The following TENT4B variants were observed in gnomAD, a reference collection of about 807,000 sequenced individuals.
The protein encoded by TENT4B is PAP associated domain containing 5.
TENT4B carries 10 observed loss-of-function variants against 75.0 expected under a neutral mutation model. That is an observed-to-expected ratio of 0.13 (90% confidence interval 0.08 to 0.23). The LOEUF (loss-of-function observed/expected upper bound fraction) is 0.23, where lower values mean the gene tolerates loss of function less well. Ranked by LOEUF, TENT4B falls within the 10% of genes least tolerant of loss-of-function variation. The pLI is 1.00. For synonymous variants in TENT4B, 350 were observed against 357.7 expected, an observed-to-expected ratio of 0.98 and a Z score of 0.24; for missense variants, 579 against 893.8, an observed-to-expected ratio of 0.65 and a Z score of 4.49.
At chr16:50,194,639 T>A (rs1444182041) in intron 1 of TENT4B, among the ~76,000 whole-genome samples, 1 of 151,874 alleles carries the variant, frequency 6.6e-6, no homozygotes, top group African/African-American at 2.4e-5. Context: ...GAGCATCAAT[T>A]TCCTGGGCTC....
rs961742170 is a variant in TENT4B, at chr16:50,225,200, C to T, written c.1715C>T (p.Ser572Leu). 4.3e-6 allele frequency: 7 copies of T among 1,613,948 alleles called. No individual in the cohort carries two copies. The highest frequency in any genetic ancestry group is 1.7e-5 in the Admixed American group (1 of 60,010). The change falls in exon 10 of 12, where the codon TCG (serine) becomes TTG (leucine). Residue 572 changes from serine to leucine, a missense_variant. By Grantham distance (145) the Ser-to-Leu change is moderately radical. Coordinates refer to ENST00000561678, the MANE Select transcript of TENT4B (RefSeq NM_001365324.3). ...EALGKCRSKT[S>L]ESLSKHSSNS... is the part of the protein sequence containing the mutation. ...CTTGGAAAATGTAGAAGTAAAACCT[C>T]GGAATCTCTTAGTAAACACTCTTCA... is the stretch of plus-strand genomic sequence containing the variant.
chr16:50,160,909 T>TAC (rs1358932330), intron 1 of TENT4B, among the ~76,000 whole-genome samples: 1 of 152,204 alleles, frequency 6.6e-6, no homozygotes, highest in Non-Finnish European at 1.5e-5. Flanking sequence ...ATTAATCACT[T>TAC]ACACACACAT....
intron 1 of TENT4B, among the ~76,000 whole-genome samples, chr16:50,172,766 T>C (rs1597232390): frequency 6.6e-6 from 1 of 152,300 alleles, no homozygotes; most frequent in African/African-American, 2.4e-5. Context: ...TAGTATCATA[T>C]TGAGTAGTTT....
intron 1 of TENT4B, among the ~76,000 whole-genome samples, chr16:50,167,872 G>T (rs2038131954): frequency 6.6e-6 from 1 of 152,040 alleles, no homozygotes; most frequent in Non-Finnish European, 1.5e-5. Context: ...TGTCAGGTTG[G>T]TCTTGAACTC....
intron 1 of TENT4B, among the ~76,000 whole-genome samples, chr16:50,174,687 TA>T (rs1190267876): frequency 6.6e-5 from 10 of 151,920 alleles, no homozygotes; most frequent in African/African-American, 2.4e-4. Context: ...TACCTGGCTT[TA>T]TTTTTTTTAC....
intron 1 of TENT4B, among the ~76,000 whole-genome samples, chr16:50,176,033 T>C (rs2038301584): frequency 6.6e-6 from 1 of 152,002 alleles, no homozygotes. Flanking sequence ...CCCTCCTACC[T>C]TGGCCTCCCA....
At chr16:50,179,386 T>C (rs2038370029) in intron 1 of TENT4B, among the ~76,000 whole-genome samples, 1 of 152,132 alleles carries the variant, frequency 6.6e-6, no homozygotes, top group Non-Finnish European at 1.5e-5. Context: ...TTTTTTTACT[T>C]TATCCCAAAT....
At chr16:50,194,314 C>G (rs2030064898) in intron 1 of TENT4B, among the ~76,000 whole-genome samples, 1 of 150,418 alleles carries the variant, frequency 6.6e-6, no homozygotes, top group African/African-American at 2.4e-5. Flanking sequence ...CTCTCGGGTT[C>G]AAGCGATTCT....
chr16:50,174,988 G>A (rs944583224), intron 1 of TENT4B, among the ~76,000 whole-genome samples: 3 of 151,688 alleles, frequency 2.0e-5, no homozygotes, highest in Non-Finnish European at 4.4e-5. Context: ...TGATCCACCC[G>A]CCTCAGCCTC....
chr16:50,171,256 C>G (rs1276568641), intron 1 of TENT4B, among the ~76,000 whole-genome samples: 1 of 152,134 alleles, frequency 6.6e-6, no homozygotes, highest in South Asian at 2.1e-4. Context: ...CAAAAAATAG[C>G]CAGGTGTGGT....
intron 1 of TENT4B, among the ~76,000 whole-genome samples, chr16:50,164,137 G>A (rs1407782700): frequency 6.6e-6 from 1 of 151,896 alleles, no homozygotes; most frequent in African/African-American, 2.4e-5. Flanking sequence ...ATCCTGGGCA[G>A]CAAGAGTGAA....
chr16:50,230,161 GA>G lies in TENT4B; in HGVS notation c.*838del. Reference sequence around the variant, plus strand: ...TACTATGTACTTTTGTGTAAACACTGAAAAATCTCTGGTCATCTCCGAGAAT... The same window carrying G: ...TACTATGTACTTTTGTGTAAACACTGAAAATCTCTGGTCATCTCCGAGAAT... On this transcript the variant is annotated 3_prime_UTR_variant, in exon 12 of 12. Coordinates refer to ENST00000561678, the MANE Select transcript of TENT4B (RefSeq NM_001365324.3). 1.0e-6 allele frequency: 1 copy of G among 984,246 alleles called. No homozygotes were observed. Among genetic ancestry groups the G allele is most frequent in the Non-Finnish European group, 1.2e-6 (1 of 829,692 alleles). 61.0% of individuals were successfully genotyped at this position (984,246 alleles called of 1,614,324 possible).
At chr16:50,153,071 G>A (rs1268560221), upstream of TENT4B, 24 of 1,409,824 alleles carry the variant, frequency 1.7e-5, no homozygotes, top group East Asian at 6.2e-4. Flanking sequence ...AAGTACGGTT[G>A]GGCCAGGCGG....
chr16:50,190,725 C>T (rs186841325), intron 1 of TENT4B, among the ~76,000 whole-genome samples: 2 of 152,166 alleles, frequency 1.3e-5, no homozygotes, highest in East Asian at 1.9e-4. Context: ...ATACAATTTA[C>T]TATCTTAACC....
rs532331777 is a variant in TENT4B, at chr16:50,235,121, A to G, written c.*5793A>G. On this transcript the variant is annotated 3_prime_UTR_variant, in exon 12 of 12. Coordinates refer to ENST00000561678, the MANE Select transcript of TENT4B (RefSeq NM_001365324.3). ...TATCACTGGGCAACCAGTGATGAAA[A>G]CTATGAATGAATTGCACACCTGGAA... is the stretch of plus-strand genomic sequence containing the variant. The G allele has an allele frequency of 1.3e-6, 1 of 793,680 alleles. No individual in the cohort carries two copies. The highest frequency in any genetic ancestry group is 1.9e-5 in the African/African-American group (1 of 53,452). 49.2% of individuals were successfully genotyped at this position (793,680 alleles called of 1,614,324 possible). A position where few individuals can be genotyped will look rare whatever the true frequency, so the allele number is the denominator to read the frequency against.
chr16:50,234,795 A>G lies in TENT4B; in HGVS notation c.*5467A>G, dbSNP rs1280642830. ...GAGGGACGACCAGTGTAGTTTCTGG[A>G]TATAAAGTGTGAAGGACTGTTGAGT... On this transcript the variant is annotated 3_prime_UTR_variant, in exon 12 of 12. Transcript: ENST00000561678. 3.0e-6 allele frequency: 3 copies of G among 985,428 alleles called. No individual in the cohort carries two copies. The Admixed American group carries it at 1.8e-4, about 61-fold the overall frequency. 61.0% of individuals were successfully genotyped at this position (985,428 alleles called of 1,614,324 possible).
intron 1 of TENT4B, among the ~76,000 whole-genome samples, chr16:50,174,619 T>G (rs2038268125): frequency 6.6e-6 from 1 of 152,138 alleles, no homozygotes; most frequent in South Asian, 2.1e-4. Flanking sequence ...AAATATACAA[T>G]AAATTATTAT....
chr16:50,163,026 A>C (rs912135286), intron 1 of TENT4B, among the ~76,000 whole-genome samples: 4 of 152,094 alleles, frequency 2.6e-5, no homozygotes, highest in African/African-American at 9.7e-5. Context: ...TCCTAGAATA[A>C]ATTGTTTTAT....
chr16:50,157,238 T>C (rs950333347), intron 1 of TENT4B, among the ~76,000 whole-genome samples: 3 of 152,220 alleles, frequency 2.0e-5, no homozygotes, highest in African/African-American at 7.2e-5. Context: ...ATATAGTCTC[T>C]CGCAGCTGTC....
Sources: gnomAD v4.1 joint callset for allele counts (sites outside exome capture counted in the v4.1 genomes callset) on GRCh38, gnomAD v4.1.1 for gene constraint, MANE v1.5 for transcripts, NCBI Gene and HGNC (gene_info 2026-07-23, HGNC 2026-07-21) for gene names.